HS3ST4: variants seen among roughly 807,000 people sequenced by gnomAD.
HS3ST4 encodes the protein heparan sulfate glucosamine 3-O-sulfotransferase 4.
A neutral mutation model predicts 29.2 loss-of-function variants in HS3ST4; 17 were observed. That is an observed-to-expected ratio of 0.58 (90% CI 0.40 to 0.87). The LOEUF (loss-of-function observed/expected upper bound fraction) is 0.87. Ranked by LOEUF, HS3ST4 falls within the 40% of genes least tolerant of loss-of-function variation. The pLI is 0.00. For synonymous variants in HS3ST4, 314 were observed against 285.7 expected (o/e 1.10, Z -1.00); for missense variants, 627 against 634.5 (o/e 0.99, Z 0.13).
At chr16:26,016,875 C>G (rs1334866829) in intron 1 of HS3ST4, among the ~76,000 whole-genome samples, 3 of 152,154 alleles carry the variant, frequency 2.0e-5, no homozygotes, top group Non-Finnish European at 4.4e-5. Context: ...TCTCATATTC[C>G]TTAGAGTTAG....
chr16:26,033,254 G>A (rs1042127861), intron 1 of HS3ST4, among the ~76,000 whole-genome samples: 6 of 151,990 alleles, frequency 3.9e-5, no homozygotes, highest in South Asian at 2.1e-4. Context: ...GGTGGGTCAC[G>A]CCTGTAATCC....
At chr16:25,857,809 G>A (rs1967588898) in intron 1 of HS3ST4, among the ~76,000 whole-genome samples, 1 of 152,056 alleles carries the variant, frequency 6.6e-6, no homozygotes, top group African/African-American at 2.4e-5. Context: ...AGTACTCATA[G>A]CGTGAAAGCA....
At chr16:25,912,363 T>A (rs1438469972) in intron 1 of HS3ST4, among the ~76,000 whole-genome samples, 1 of 152,198 alleles carries the variant, frequency 6.6e-6, no homozygotes. Flanking sequence ...TCATTTTGAC[T>A]GTGTTCTCTC....
intron 1 of HS3ST4, among the ~76,000 whole-genome samples, chr16:25,793,938 T>G (rs1371265419): frequency 1.3e-5 from 2 of 152,036 alleles, no homozygotes; most frequent in Admixed American, 1.3e-4. Context: ...CTGTATCACA[T>G]TTTCTAGGAT....
intron 1 of HS3ST4, among the ~76,000 whole-genome samples, chr16:25,923,632 G>T (rs1409363788): frequency 6.6e-6 from 1 of 152,168 alleles, no homozygotes; most frequent in African/African-American, 2.4e-5. Flanking sequence ...ATATGTGTGT[G>T]TGTGTGCATG....
intron 1 of HS3ST4, among the ~76,000 whole-genome samples, chr16:25,897,066 G>A (rs1439166995): frequency 6.6e-6 from 1 of 152,148 alleles, no homozygotes; most frequent in Non-Finnish European, 1.5e-5. Context: ...CTTGCTGAGT[G>A]ATGGGTTCAA....
chr16:25,743,927 T>C (rs1174788050), intron 1 of HS3ST4, among the ~76,000 whole-genome samples: 1 of 152,216 alleles, frequency 6.6e-6, no homozygotes, highest in East Asian at 1.9e-4. Context: ...ACATTTCCCA[T>C]AGTCTTTATC....
At chr16:25,733,658 C>G (rs907303289) in intron 1 of HS3ST4, among the ~76,000 whole-genome samples, 1 of 152,196 alleles carries the variant, frequency 6.6e-6, no homozygotes. Flanking sequence ...GTCCCCTGCC[C>G]TGTCCCAAAT....
intron 1 of HS3ST4, among the ~76,000 whole-genome samples, chr16:25,927,091 C>A (rs544022888): frequency 7.2e-5 from 11 of 152,132 alleles, no homozygotes; most frequent in Non-Finnish European, 1.6e-4. Flanking sequence ...ACTTTAAGGT[C>A]TTTGACTAAC....
chr16:25,940,341 G>A (rs1968560832), intron 1 of HS3ST4, among the ~76,000 whole-genome samples: 4 of 152,138 alleles, frequency 2.6e-5, no homozygotes, highest in Admixed American at 1.3e-4. Context: ...GGCATGCTAG[G>A]GTTAGGCACC....
Position 25,816,264 on chromosome 16 carries a change from G to A in HS3ST4, c.734+123113G>A, listed in dbSNP as rs1967091555. ...AGCATACCTTGTACCTCCATTCTGG[G>A]CTACCTTTAGGGACTGTCCTATCTT... On this transcript the variant is annotated intron_variant, in intron 1 of 1. Coordinates refer to ENST00000331351, the MANE Select transcript of HS3ST4 (RefSeq NM_006040.3). Among the ~76,000 whole-genome samples, 3 of 146,848 alleles carry A rather than the reference G, an allele frequency of 2.0e-5. No individual in the cohort carries two copies. The South Asian group carries it at 6.2e-4, about 30-fold the overall frequency.
chr16:25,990,446 C>T (rs1340170052), intron 1 of HS3ST4, among the ~76,000 whole-genome samples: 1 of 152,196 alleles, frequency 6.6e-6, no homozygotes, highest in Non-Finnish European at 1.5e-5. Flanking sequence ...TGGATTTTGA[C>T]CATTTTAAAG....
At chr16:26,089,296 G>A (rs984942488) in intron 1 of HS3ST4, among the ~76,000 whole-genome samples, 2 of 152,216 alleles carry the variant, frequency 1.3e-5, no homozygotes, top group African/African-American at 4.8e-5. Context: ...TTCATGCTGG[G>A]AGGTGGAAGG....
At chr16:26,041,807 A>C (rs1969638313) in intron 1 of HS3ST4, among the ~76,000 whole-genome samples, 1 of 152,204 alleles carries the variant, frequency 6.6e-6, no homozygotes, top group Non-Finnish European at 1.5e-5. Context: ...ATAATACTTT[A>C]ACAAGCCTGC....
intron 1 of HS3ST4, among the ~76,000 whole-genome samples, chr16:25,762,554 G>A (rs1354492660): frequency 6.6e-6 from 1 of 152,054 alleles, no homozygotes; most frequent in Non-Finnish European, 1.5e-5. Flanking sequence ...GAAGCTGACT[G>A]AAAATGCCAA....
chr16:25,907,070 G>T (rs902985674), intron 1 of HS3ST4, among the ~76,000 whole-genome samples: 16 of 152,110 alleles, frequency 1.1e-4, no homozygotes, highest in African/African-American at 3.9e-4. Context: ...GGTGGCACAT[G>T]CCTGTAGTCC....
chr16:25,882,447 C>T (rs1419438539), intron 1 of HS3ST4, among the ~76,000 whole-genome samples: 3 of 152,164 alleles, frequency 2.0e-5, no homozygotes, highest in African/African-American at 4.8e-5. Context: ...ATGTCAGCTT[C>T]ATGGCAGGCA....
At position 25,798,086 on chromosome 16, in the gene HS3ST4, T is replaced by G. The variant is rs144931578; in HGVS notation, c.734+104935T>G. ...TCAGTCTACTCCAGAGAGGGACCAG[T>G]GAGTTAAGTCATCATATCTCAAAGG... On this transcript the variant is annotated intron_variant, in intron 1 of 1. Transcript: ENST00000331351. Among the ~76,000 whole-genome samples the G allele has an allele frequency of 9.2e-5, 14 of 152,266 alleles. No individual in the cohort carries two copies. In the East Asian group the frequency reaches 2.1e-3, roughly 23 times the overall value.
At chr16:26,051,714 A>T (rs1447641940) in intron 1 of HS3ST4, among the ~76,000 whole-genome samples, 6 of 140,320 alleles carry the variant, frequency 4.3e-5, no homozygotes, top group Non-Finnish European at 9.2e-5. Flanking sequence ...GTCTTTCTCT[A>T]ATCTCTTTTA....
Sources: allele counts gnomAD v4.1 joint callset (sites outside exome capture counted in the v4.1 genomes callset), GRCh38; gene constraint gnomAD v4.1.1; transcripts MANE v1.5; gene names NCBI Gene and HGNC (gene_info 2026-07-23, HGNC 2026-07-21).